ASCC3: variants seen among roughly 807,000 people sequenced by gnomAD.
ASCC3 encodes activating signal cointegrator 1 complex subunit 3.
In ASCC3, 158 loss-of-function variants were observed where a neutral mutation model predicts 256.3. The ratio of observed to expected loss-of-function variants is 0.62; its 90% confidence interval spans 0.54 to 0.70. ASCC3 has a LOEUF of 0.70. Ranked by LOEUF, ASCC3 falls within the 30% of genes least tolerant of loss-of-function variation. The pLI, the probability that ASCC3 is intolerant of heterozygous loss-of-function variation, is 0.00. For synonymous variants in ASCC3, 948 were observed against 883.4 expected (o/e 1.07, Z -1.30); for missense variants, 2,259 against 2,626.0 (o/e 0.86, Z 3.05).
intron 4 of ASCC3, among the ~76,000 whole-genome samples, chr6:100,835,897 A>C (rs533333032): frequency 4.6e-5 from 7 of 152,182 alleles, no homozygotes; most frequent in African/African-American, 1.4e-4. Context: ...ATATCTTTCC[A>C]TTTATCTGCA....
chr6:100,558,884 A>G (rs1769772925), intron 36 of ASCC3, among the ~76,000 whole-genome samples: 1 of 152,104 alleles, frequency 6.6e-6, no homozygotes, highest in Non-Finnish European at 1.5e-5. Flanking sequence ...GCATTTTTGT[A>G]GGAGCTTTTT....
intron 10 of ASCC3, among the ~76,000 whole-genome samples, chr6:100,765,805 C>T (rs1468138652): frequency 6.6e-6 from 1 of 152,110 alleles, no homozygotes; most frequent in Admixed American, 6.5e-5. Context: ...CTATGGGGGC[C>T]CTAGGAAATT....
At chr6:100,787,591 T>A (rs1769150103) in intron 8 of ASCC3, among the ~76,000 whole-genome samples, 1 of 152,066 alleles carries the variant, frequency 6.6e-6, no homozygotes, top group Admixed American at 6.6e-5. Flanking sequence ...TTTCAAGACT[T>A]ACTATAAAGC....
chr6:100,552,858 TAGA>T (rs1276511379), intron 36 of ASCC3, among the ~76,000 whole-genome samples: 1 of 152,006 alleles, frequency 6.6e-6, no homozygotes. Context: ...TTAGATTATT[TAGA>T]ATGAATAGAA....
chr6:100,574,568 A>C (rs920611151), intron 36 of ASCC3, among the ~76,000 whole-genome samples: 35 of 152,024 alleles, frequency 2.3e-4, no homozygotes, highest in Admixed American at 6.6e-5. Context: ...CACATTTCTT[A>C]AATAACTAAA....
rs571219712 is a variant in ASCC3, at chr6:100,578,912, C to T, written c.5550+10722G>A. Reference sequence around the variant, plus strand: ...CATATTTTGACAAATTGTCACACTGCTTTCCACAACGACTGATTTACATTT... The same window carrying T: ...CATATTTTGACAAATTGTCACACTGTTTTCCACAACGACTGATTTACATTT... On this transcript the variant is annotated intron_variant, in intron 36 of 41. Transcript: ENST00000369162. Among the ~76,000 whole-genome samples, 8 of 147,356 alleles carry T rather than the reference C, an allele frequency of 5.4e-5. No individual in the cohort carries two copies. In the East Asian group the frequency reaches 1.5e-3, roughly 28 times the overall value.
chr6:100,806,210 A>T (rs908173240), intron 4 of ASCC3, among the ~76,000 whole-genome samples: 1 of 152,028 alleles, frequency 6.6e-6, no homozygotes, highest in African/African-American at 2.4e-5. Flanking sequence ...TCAACATATC[A>T]TTCTGGTTTT....
At chr6:100,656,023 A>G (rs1775897904) in intron 16 of ASCC3, among the ~76,000 whole-genome samples, 1 of 151,754 alleles carries the variant, frequency 6.6e-6, no homozygotes, top group African/African-American at 2.4e-5. Context: ...TACATGAGAA[A>G]TGTTATCTTT....
chr6:100,612,366 A>T (rs1773445746), intron 30 of ASCC3, among the ~76,000 whole-genome samples: 1 of 152,016 alleles, frequency 6.6e-6, no homozygotes, highest in Non-Finnish European at 1.5e-5. Context: ...TATTGTTTCA[A>T]GATGCTAAAA....
At position 100,655,352 on chromosome 6, in the gene ASCC3, A is replaced by G. The variant is rs1057282209; in HGVS notation, c.2823+347T>C. Among the ~76,000 whole-genome samples, 10 of 152,012 alleles carry G rather than the reference A, an allele frequency of 6.6e-5. No homozygotes were observed. In the East Asian group the frequency reaches 1.9e-3, roughly 29 times the overall value. ...AGATTGTATATAACCTAAGCTGATTATCAAATATGGTCTATAAGTTTCCTC... is the reference window on the plus strand; with the variant it reads ...AGATTGTATATAACCTAAGCTGATTGTCAAATATGGTCTATAAGTTTCCTC... On this transcript the variant is annotated intron_variant, in intron 17 of 41. Transcript: ENST00000369162.
chr6:100,591,205 T>C (rs887630497), intron 34 of ASCC3, among the ~76,000 whole-genome samples: 1 of 152,076 alleles, frequency 6.6e-6, no homozygotes, highest in Non-Finnish European at 1.5e-5. Context: ...TAAGCATATA[T>C]GGAAGTGAAA....
At position 100,655,299 on chromosome 6, in the gene ASCC3, G is replaced by T. The variant is rs1227468982; in HGVS notation, c.2823+400C>A. Among the ~76,000 whole-genome samples, 19 of 151,626 alleles carry T rather than the reference G, an allele frequency of 1.3e-4. 1 individual carries two copies. ...ATGGTATATTTAAATTTCAGAATAG[G>T]GATTAGAAGAGACTTGATAAGAGGA... On this transcript the variant is annotated intron_variant, in intron 17 of 41. Transcript: ENST00000369162.
At chr6:100,646,403 C>T (rs1775381212) in intron 22 of ASCC3, among the ~76,000 whole-genome samples, 1 of 151,986 alleles carries the variant, frequency 6.6e-6, no homozygotes, top group African/African-American at 2.4e-5. Flanking sequence ...TCAGGCCTCC[C>T]GGGTTCATGC....
At chr6:100,824,538 C>G (rs1055321600) in intron 4 of ASCC3, among the ~76,000 whole-genome samples, 2 of 152,078 alleles carry the variant, frequency 1.3e-5, no homozygotes, top group Non-Finnish European at 2.9e-5. Flanking sequence ...GATCAAGAAC[C>G]CTTTCGAATT....
At chr6:100,846,931 T>C (rs1772413057) in intron 4 of ASCC3, among the ~76,000 whole-genome samples, 1 of 152,146 alleles carries the variant, frequency 6.6e-6, no homozygotes, top group African/African-American at 2.4e-5. Flanking sequence ...AAGTTTGCTA[T>C]CTTATTCATC....
chr6:100,520,010 A>G (rs562645009), intron 37 of ASCC3, among the ~76,000 whole-genome samples: 9 of 152,188 alleles, frequency 5.9e-5, no homozygotes, highest in African/African-American at 9.6e-5. Flanking sequence ...TGGCTCCCCA[A>G]CTGAGTTGAA....
At chr6:100,850,098 CAAAAAAAAAAAA>C (rs61582863) in intron 3 of ASCC3, among the ~76,000 whole-genome samples, 1 of 80,612 alleles carries the variant, frequency 1.2e-5, no homozygotes, top group Non-Finnish European at 2.4e-5. Flanking sequence ...GAGACTCTAT[CAAAAAAAAAAAA>C]AAAAAAAAAA....
rs1313953473 is a variant in ASCC3, at chr6:100,512,943, A to ATT, written c.6076-26_6076-25insAA. 3 of 1,591,316 alleles carry ATT rather than the reference A, an allele frequency of 1.9e-6. No homozygotes were observed. In the Admixed American group the frequency reaches 5.1e-5, roughly 27 times the overall value. On this transcript the variant is annotated intron_variant, in intron 39 of 41. Transcript: ENST00000369162. Reference sequence around the variant, plus strand: ...CCTAAATAAAAAGAGAAAAGAAACAATAAAGGAGGAGTTTATGTGAAATGC... The same window carrying ATT: ...CCTAAATAAAAAGAGAAAAGAAACAATTTAAAGGAGGAGTTTATGTGAAATGC...
intron 24 of ASCC3, among the ~76,000 whole-genome samples, chr6:100,640,043 G>A (rs1164024354): frequency 6.6e-6 from 1 of 151,950 alleles, no homozygotes; most frequent in African/African-American, 2.4e-5. Flanking sequence ...TGAACCCGGC[G>A]AGTGGTGGTT....
Sources: gnomAD v4.1 joint callset for allele counts (sites outside exome capture counted in the v4.1 genomes callset) on GRCh38, gnomAD v4.1.1 for gene constraint, MANE v1.5 for transcripts, NCBI Gene and HGNC (gene_info 2026-07-23, HGNC 2026-07-21) for gene names.